The following TRAPPC9 variants were observed in gnomAD, a reference collection of about 807,000 sequenced individuals.
The protein encoded by TRAPPC9 is IKK2 binding protein.
In TRAPPC9, 83 loss-of-function variants were observed where a neutral mutation model predicts 124.0. That is an observed-to-expected ratio of 0.67 (90% CI 0.56 to 0.80). The LOEUF is 0.80. Among genes scored for constraint, TRAPPC9 ranks in the 30% least tolerant of loss-of-function variants. The pLI is 0.00. For synonymous variants in TRAPPC9, 638 were observed against 617.5 expected (o/e 1.03, Z -0.49); for missense variants, 1,302 against 1,508.3 (o/e 0.86, Z 2.27).
At chr8:140,426,352 T>A (rs1428907619) in intron 5 of TRAPPC9, among the ~76,000 whole-genome samples, 1 of 152,194 alleles carries the variant, frequency 6.6e-6, no homozygotes, top group African/African-American at 2.4e-5. Context: ...TTCAAAGAAT[T>A]AAAGGCACAA....
At chr8:140,010,826 A>C (rs1228456748) in intron 18 of TRAPPC9, among the ~76,000 whole-genome samples, 1 of 152,200 alleles carries the variant, frequency 6.6e-6, no homozygotes, top group South Asian at 2.1e-4. Context: ...GTTTATATAC[A>C]AGAATGTCCA....
intron 17 of TRAPPC9, among the ~76,000 whole-genome samples, chr8:140,167,192 C>G (rs747774027): frequency 3.3e-5 from 5 of 151,414 alleles, no homozygotes; most frequent in Non-Finnish European, 7.4e-5. Context: ...TCAGAGTATG[C>G]AGGATTCATG....
chr8:139,975,927 C>CTTTTTTTTTTTTTTTTTTTTT (rs528679775), intron 19 of TRAPPC9, among the ~76,000 whole-genome samples: 5 of 95,566 alleles, frequency 5.2e-5, no homozygotes, highest in Non-Finnish European at 6.0e-5. Flanking sequence ...AAAGGACAGT[C>CTTTTTTTTTTTTTTTTTTTTT]TTTTTTTTTT....
chr8:139,819,306 A>G (rs1015116696), intron 21 of TRAPPC9, among the ~76,000 whole-genome samples: 2 of 152,214 alleles, frequency 1.3e-5, no homozygotes, highest in African/African-American at 4.8e-5. Flanking sequence ...CTGATACTAC[A>G]TTATGGTGAG....
rs552871284 is a variant in TRAPPC9, at chr8:139,767,942, G to C, written c.3056-35740C>G. On this transcript the variant is annotated intron_variant, in intron 21 of 22. Coordinates refer to ENST00000438773, the MANE Select transcript of TRAPPC9 (RefSeq NM_001160372.4). Reference sequence around the variant, plus strand: ...TTTATGGAGGGCAACCTCACAAGTAGCAAACAGCCTTGAAAAATATACAGA... The same window carrying C: ...TTTATGGAGGGCAACCTCACAAGTACCAAACAGCCTTGAAAAATATACAGA... Among the ~76,000 whole-genome samples, 5 of 152,324 alleles carry C rather than the reference G, an allele frequency of 3.3e-5. No homozygotes were observed. In the South Asian group the frequency reaches 1.0e-3, roughly 32 times the overall value.
intron 5 of TRAPPC9, among the ~76,000 whole-genome samples, chr8:140,421,227 C>T (rs912108305): frequency 6.6e-6 from 1 of 152,094 alleles, no homozygotes; most frequent in Non-Finnish European, 1.5e-5. Flanking sequence ...CTCTGAAAGA[C>T]GGAAATACAT....
At chr8:140,443,215 C>T (rs1293011837) in intron 2 of TRAPPC9, among the ~76,000 whole-genome samples, 3 of 146,082 alleles carry the variant, frequency 2.1e-5, no homozygotes, top group East Asian at 2.1e-4. Flanking sequence ...GCGGGCAGAT[C>T]ACAAAGTCAG....
upstream of TRAPPC9, chr8:140,458,310 C>A (rs2071776904): frequency 6.4e-7 from 1 of 1,566,972 alleles, no homozygotes; most frequent in Non-Finnish European, 8.7e-7. Flanking sequence ...GCTCAAATTT[C>A]ACTTCCTCTG....
chr8:139,850,454 C>T (rs1247921882), intron 21 of TRAPPC9, among the ~76,000 whole-genome samples: 1 of 152,230 alleles, frequency 6.6e-6, no homozygotes, highest in Non-Finnish European at 1.5e-5. Flanking sequence ...GCAATCCCAG[C>T]ATTGCCTTGT....
At chr8:140,013,580 G>A (rs886260169) in intron 18 of TRAPPC9, among the ~76,000 whole-genome samples, 4 of 152,194 alleles carry the variant, frequency 2.6e-5, no homozygotes, top group African/African-American at 9.7e-5. Context: ...ATAGGTGAAA[G>A]GGAGGCCAAC....
At chr8:140,056,058 A>G (rs1235224944) in intron 17 of TRAPPC9, among the ~76,000 whole-genome samples, 1 of 152,158 alleles carries the variant, frequency 6.6e-6, no homozygotes, top group Non-Finnish European at 1.5e-5. Context: ...AAACCAAAAT[A>G]AAGCTGGAGG....
chr8:139,817,648 C>G (rs1274774328), intron 21 of TRAPPC9, among the ~76,000 whole-genome samples: 1 of 152,250 alleles, frequency 6.6e-6, no homozygotes, highest in East Asian at 1.9e-4. Context: ...AGGCTTGGGC[C>G]CATGGCTGCT....
chr8:140,214,956 T>C (rs1207416680), intron 17 of TRAPPC9, among the ~76,000 whole-genome samples: 2 of 152,122 alleles, frequency 1.3e-5, no homozygotes, highest in Non-Finnish European at 2.9e-5. Flanking sequence ...CGATTCCAAT[T>C]AAATCACATC....
At chr8:140,435,284 A>T in intron 3 of TRAPPC9, 44 bp from the exon 4 acceptor site, 1 of 433,898 alleles carries the variant, frequency 2.3e-6, no homozygotes, top group South Asian at 4.1e-5. Context: ...AAAACAAAAA[A>T]CAAAAACCAG....
intron 19 of TRAPPC9, among the ~76,000 whole-genome samples, chr8:139,947,137 G>A (rs145145841): frequency 1.1e-3 from 160 of 152,308 alleles, no homozygotes; most frequent in Middle Eastern, 6.8e-3. Flanking sequence ...AATAAGTAGC[G>A]TGTTGTAGCA....
intron 17 of TRAPPC9, among the ~76,000 whole-genome samples, chr8:140,202,669 A>C (rs533286957): frequency 2.8e-4 from 42 of 152,348 alleles, no homozygotes; most frequent in African/African-American, 9.1e-4. Context: ...CAAAGTATTG[A>C]CCCTCAGAAT....
chr8:140,273,902 GAA>G (rs527313799), intron 15 of TRAPPC9, among the ~76,000 whole-genome samples: 3 of 152,260 alleles, frequency 2.0e-5, no homozygotes, highest in South Asian at 4.1e-4. Flanking sequence ...GATTTCAAGA[GAA>G]AGAGTAGAAT....
chr8:140,093,479 C>A (rs549265641), intron 17 of TRAPPC9, among the ~76,000 whole-genome samples: 151 of 152,156 alleles, frequency 9.9e-4, no homozygotes, highest in Middle Eastern at 3.4e-3. Flanking sequence ...ACCAGCCTGG[C>A]CAACATGGTG....
At chr8:139,979,323 C>T (rs533017025) in intron 19 of TRAPPC9, among the ~76,000 whole-genome samples, 66 of 152,254 alleles carry the variant, frequency 4.3e-4, no homozygotes, top group African/African-American at 1.4e-3. Context: ...TCTGGCCAGA[C>T]GCTGCCACGG....
Sources: allele counts gnomAD v4.1 joint callset (sites outside exome capture counted in the v4.1 genomes callset), GRCh38; gene constraint gnomAD v4.1.1; transcripts MANE v1.5; gene names NCBI Gene and HGNC (gene_info 2026-07-23, HGNC 2026-07-21).